The following RARS2 variants were observed in gnomAD, a reference collection of about 807,000 sequenced individuals.
The protein encoded by RARS2 is probable arginine--tRNA ligase, mitochondrial.
A neutral mutation model predicts 88.5 loss-of-function variants in RARS2; 67 were observed. That is an observed-to-expected ratio of 0.76 (90% confidence interval 0.62 to 0.93). RARS2 has a LOEUF of 0.93. Among genes scored for constraint, RARS2 ranks in the 40% least tolerant of loss-of-function variants. The pLI is 0.00. For synonymous variants in RARS2, 239 were observed against 230.3 expected (o/e 1.04, Z -0.34); for missense variants, 664 against 684.2 (o/e 0.97, Z 0.33).
chr6:87,529,933 T>A (rs1776925628), intron 9 of RARS2, among the ~76,000 whole-genome samples: 1 of 151,752 alleles, frequency 6.6e-6, no homozygotes, highest in Admixed American at 6.6e-5. Flanking sequence ...TTCTCAAACC[T>A]CCTAATAGTT....
intron 8 of RARS2, among the ~76,000 whole-genome samples, chr6:87,537,667 CACT>C (rs1779614225): frequency 6.6e-6 from 1 of 152,072 alleles, no homozygotes; most frequent in Non-Finnish European, 1.5e-5. Flanking sequence ...TCAAAGAGCT[CACT>C]ACTAACTACA....
intron 1 of RARS2, among the ~76,000 whole-genome samples, chr6:87,585,947 A>G (rs1222729851): frequency 2.0e-5 from 3 of 152,234 alleles, no homozygotes; most frequent in African/African-American, 7.2e-5. Context: ...CTGCTATGTT[A>G]GAAAAACAAA....
In RARS2 at chr6:87,568,384, A is replaced by C. The variant is rs1009923325; in HGVS notation, c.110+1133T>G. 2.6e-5 allele frequency among the ~76,000 whole-genome samples: 4 copies of C among 152,152 alleles called. No individual in the cohort carries two copies. In the East Asian group the frequency reaches 7.7e-4, roughly 29 times the overall value. ...GCATAGTGGCGTGAGCCTGTAGTCC[A>C]AGCTACTCTGGAGGCTGAGGTGGGA... On this transcript the variant is annotated intron_variant, in intron 2 of 19. Transcript: ENST00000369536.
At chr6:87,539,338 G>T (rs1489045636) in intron 8 of RARS2, among the ~76,000 whole-genome samples, 1 of 152,136 alleles carries the variant, frequency 6.6e-6, no homozygotes, top group South Asian at 2.1e-4. Context: ...ACTTCTCTTA[G>T]AAGTAAAATT....
intron 14 of RARS2, 83 bp downstream of exon 14, chr6:87,519,500 T>C (rs535489493): frequency 2.6e-5 from 37 of 1,449,894 alleles, no homozygotes; most frequent in Middle Eastern, 2.4e-4. Flanking sequence ...GGGACAGACA[T>C]AATAAATCAC....
intron 1 of RARS2, among the ~76,000 whole-genome samples, chr6:87,570,038 AACAG>A (rs1769165419): frequency 6.6e-6 from 1 of 152,168 alleles, no homozygotes; most frequent in South Asian, 2.1e-4. Flanking sequence ...CAGTGAACAA[AACAG>A]ACAAAAAACA....
At position 87,564,164 on chromosome 6, in the gene RARS2, T is replaced by C. The variant is rs1368278688; in HGVS notation, c.179A>G (p.Asp60Gly). ...TAGTCTCTTGGCTTGAACTTGAATA[T>C]CTGGTCTTGAATGGTCATTGTCTTT... ...LEKDNDHSRP[D>G]IQVQAKRLAE... Residue 60 changes from aspartate to glycine, a missense_variant, in exon 3 of 20, where the codon GAT becomes GGT. Physicochemically the swap from Asp to Gly is moderately conservative, Grantham distance 94. Coordinates refer to ENST00000369536, the MANE Select transcript of RARS2 (RefSeq NM_020320.5). 1 of 1,613,432 alleles carries C rather than the reference T, an allele frequency of 6.2e-7. No homozygotes were observed. Among genetic ancestry groups the C allele is most frequent in the Admixed American group, 1.7e-5 (1 of 60,010 alleles).
intron 9 of RARS2, among the ~76,000 whole-genome samples, chr6:87,530,518 T>C (rs996584619): frequency 6.6e-6 from 1 of 151,844 alleles, no homozygotes; most frequent in Admixed American, 6.6e-5. Flanking sequence ...CCTAAGGAAG[T>C]GAAAGAACAA....
chr6:87,553,954 T>G (rs1582631040), intron 5 of RARS2, among the ~76,000 whole-genome samples: 1 of 152,272 alleles, frequency 6.6e-6, no homozygotes, highest in East Asian at 1.9e-4. Context: ...AGAAGACAAG[T>G]GAGTGGCAGA....
At chr6:87,589,605 T>G (rs1457384707) in intron 1 of RARS2, 2 of 923,598 alleles carry the variant, frequency 2.2e-6, no homozygotes, top group African/African-American at 1.8e-5. Flanking sequence ...GAACACTAAC[T>G]TCTATGGGGT....
chr6:87,554,110 T>C (rs376320865), intron 5 of RARS2, among the ~76,000 whole-genome samples: 21 of 152,312 alleles, frequency 1.4e-4, no homozygotes, highest in African/African-American at 5.1e-4. Flanking sequence ...TCCACAGACA[T>C]AAATACTTAA....
intron 7 of RARS2, among the ~76,000 whole-genome samples, chr6:87,543,749 C>T (rs745723392): frequency 6.6e-5 from 10 of 152,084 alleles, no homozygotes; most frequent in African/African-American, 9.7e-5. Context: ...GAAAGTGGGA[C>T]GTGACTGAAC....
chr6:87,555,228 AAT>A (rs1366768647), intron 5 of RARS2, among the ~76,000 whole-genome samples, 178 bp downstream of exon 5: 1 of 152,110 alleles, frequency 6.6e-6, no homozygotes, highest in Non-Finnish European at 1.5e-5. Context: ...GAGGTCCAAA[AAT>A]ATATTTTTTA....
At chr6:87,571,465 TA>T (rs1466084042) in intron 1 of RARS2, among the ~76,000 whole-genome samples, 1 of 152,164 alleles carries the variant, frequency 6.6e-6, no homozygotes, top group African/African-American at 2.4e-5. Flanking sequence ...GAGAAATGCA[TA>T]AAAACAAAAT....
chr6:87,550,676 G>A (rs1327575140), intron 5 of RARS2, among the ~76,000 whole-genome samples: 2 of 144,320 alleles, frequency 1.4e-5, no homozygotes, highest in African/African-American at 5.2e-5. Context: ...AATAAGTATT[G>A]TATGTACTTA....
At position 87,529,545 on chromosome 6, in the gene RARS2, GT is replaced by G; in HGVS notation, c.874del (p.Thr292GlnfsTer2). The G allele has an allele frequency of 6.5e-7, 1 of 1,543,198 alleles. No homozygotes were observed. The highest frequency in any genetic ancestry group is 1.1e-5 in the South Asian group (1 of 89,594). On this transcript the variant is annotated frameshift_variant, in exon 10 of 20. Coordinates refer to ENST00000369536, the MANE Select transcript of RARS2 (RefSeq NM_020320.5). LOFTEE classifies it high-confidence loss of function. ...AAGAATAGTAACCTGATCATACATT[GT>G]TTTCAGTAGGAGTCCTTTACTCTCC... Reference protein sequence around the residue: ...LLESKGLLLKTIKGTAVVDLS... With the variant: ...LLESKGLLLKXIKGTAVVDLS...
intron 5 of RARS2, among the ~76,000 whole-genome samples, chr6:87,549,747 T>C (rs1447847429): frequency 6.6e-6 from 1 of 152,154 alleles, no homozygotes; most frequent in Non-Finnish European, 1.5e-5. Context: ...ACACACTTCA[T>C]GGGCATTAAC....
chr6:87,552,620 T>C (rs1472423729), intron 5 of RARS2, among the ~76,000 whole-genome samples: 10 of 152,146 alleles, frequency 6.6e-5, no homozygotes, highest in African/African-American at 2.4e-5. Flanking sequence ...TTTTTAGATA[T>C]TTTTTAAAAG....
At chr6:87,528,240 A>G (rs1407429035) in intron 10 of RARS2, among the ~76,000 whole-genome samples, 1 of 107,638 alleles carries the variant, frequency 9.3e-6, no homozygotes, top group Non-Finnish European at 1.8e-5. Flanking sequence ...TGGCTTTTAT[A>G]ACAAAAAAAA....
Sources: gnomAD v4.1 joint callset for allele counts (sites outside exome capture counted in the v4.1 genomes callset) on GRCh38, gnomAD v4.1.1 for gene constraint, MANE v1.5 for transcripts, NCBI Gene and HGNC (gene_info 2026-07-23, HGNC 2026-07-21) for gene names.